METTL15: variants seen among roughly 807,000 people sequenced by gnomAD.
The protein encoded by METTL15 is 12S rRNA N(4)-cytidine methyltransferase METTL15.
A neutral mutation model predicts 38.3 loss-of-function variants in METTL15; 34 were observed. The observed-to-expected ratio is 0.89, with a 90% confidence interval of 0.68 to 1.18. METTL15 has a LOEUF of 1.18. Among genes scored for constraint, METTL15 ranks in the 50% most tolerant of loss-of-function variants. The pLI is 0.00. For missense variants in METTL15, 438 were observed against 498.4 expected (o/e 0.88, Z 1.15); for synonymous variants, 162 against 170.9 (o/e 0.95, Z 0.41).
chr11:28,359,650 A>C (rs1049986085), intron 4 of METTL15, among the ~76,000 whole-genome samples: 10 of 151,966 alleles, frequency 6.6e-5, no homozygotes, highest in African/African-American at 2.4e-4. Context: ...ATGGCGGTTT[A>C]TATTTGCATT....
chr11:28,464,677 C>T (rs4547081), intron 6 of METTL15, among the ~76,000 whole-genome samples: 64,427 of 152,006 alleles, frequency 0.42, 15,028 homozygotes, highest in Admixed American at 0.54. Flanking sequence ...CAAATGCTGT[C>T]GTATGCCTGT....
intron 3 of METTL15, among the ~76,000 whole-genome samples, chr11:28,169,073 G>A (rs1219554411): frequency 1.3e-5 from 2 of 152,136 alleles, no homozygotes; most frequent in Non-Finnish European, 2.9e-5. Context: ...AAGGTAAAGT[G>A]GAGGTTAGAC....
chr11:28,509,070 G>A (rs764254875), intron 6 of METTL15, among the ~76,000 whole-genome samples: 17 of 152,126 alleles, frequency 1.1e-4, no homozygotes, highest in Admixed American at 5.9e-4. Context: ...TTTCATTGAC[G>A]ATAATGTTAA....
At position 28,331,680 on chromosome 11, in the gene METTL15, T is replaced by G. The variant is rs1454972619; in HGVS notation, c.*839T>G. The G allele has an allele frequency of 1.3e-5, 2 of 152,174 alleles. No individual in the cohort carries two copies. Among genetic ancestry groups the G allele is most frequent in the Admixed American group, 6.5e-5 (1 of 15,282 alleles). 9.4% of individuals were successfully genotyped at this position (152,174 alleles called of 1,614,324 possible). The stretch of plus-strand genomic sequence containing the variant: ...TAGTAAAATCAATGCTCCCTTAATG[T>G]TGTTACAAAGATATGGTAACTGTAA... On this transcript the variant is annotated 3_prime_UTR_variant, in exon 7 of 7. Coordinates refer to ENST00000407364, the MANE Select transcript of METTL15 (RefSeq NM_001113528.2).
At chr11:28,146,582 C>G (rs1312820053) in intron 3 of METTL15, among the ~76,000 whole-genome samples, 1 of 151,862 alleles carries the variant, frequency 6.6e-6, no homozygotes, top group Admixed American at 6.6e-5. Flanking sequence ...GTAATGAACC[C>G]TGTGTCATTG....
intron 3 of METTL15, among the ~76,000 whole-genome samples, chr11:28,175,678 A>G (rs908083801): frequency 4.6e-5 from 7 of 152,146 alleles, no homozygotes; most frequent in African/African-American, 1.4e-4. Flanking sequence ...AAATCTGAGT[A>G]TCACCTTCAA....
intron 4 of METTL15, among the ~76,000 whole-genome samples, chr11:28,225,721 A>G (rs1205797574): frequency 2.6e-5 from 4 of 151,770 alleles, no homozygotes; most frequent in Non-Finnish European, 4.4e-5. Flanking sequence ...TCCATGAACA[A>G]TTTTTGTCCT....
intron 4 of METTL15, among the ~76,000 whole-genome samples, chr11:28,223,397 T>A (rs1853333807): frequency 6.6e-6 from 1 of 152,024 alleles, no homozygotes; most frequent in South Asian, 2.1e-4. Context: ...CAAATTTGTG[T>A]TTGGGAGTAT....
chr11:28,378,149 G>T (rs1225453131), intron 5 of METTL15, among the ~76,000 whole-genome samples: 1 of 152,134 alleles, frequency 6.6e-6, no homozygotes, highest in Non-Finnish European at 1.5e-5. Flanking sequence ...GCCTACAGAG[G>T]CAGGCAGGCC....
intron 3 of METTL15, among the ~76,000 whole-genome samples, chr11:28,196,528 G>A (rs1851915180): frequency 6.6e-6 from 1 of 151,858 alleles, no homozygotes; most frequent in Non-Finnish European, 1.5e-5. Flanking sequence ...CAGTGCTGCT[G>A]ATGTATATAC....
intron 3 of METTL15, among the ~76,000 whole-genome samples, chr11:28,339,307 G>T (rs1849929065): frequency 6.6e-6 from 1 of 151,920 alleles, no homozygotes; most frequent in Non-Finnish European, 1.5e-5. Context: ...TAATAAAAAA[G>T]ATACCCATGA....
intron 3 of METTL15, among the ~76,000 whole-genome samples, chr11:28,192,818 G>T (rs1196502738): frequency 6.6e-6 from 1 of 152,046 alleles, no homozygotes; most frequent in South Asian, 2.1e-4. Flanking sequence ...GGCCCCAAAT[G>T]TCAGTAGTGC....
At chr11:28,329,123 AGTTT>A (rs1432728280) in intron 6 of METTL15, among the ~76,000 whole-genome samples, 2 of 151,854 alleles carry the variant, frequency 1.3e-5, no homozygotes, top group East Asian at 1.9e-4. Flanking sequence ...ATCCATTTTG[AGTTT>A]GTTTTTGTAT....
chr11:28,270,759 A>T (rs984389166), intron 4 of METTL15, among the ~76,000 whole-genome samples: 1 of 152,294 alleles, frequency 6.6e-6, no homozygotes, highest in South Asian at 2.1e-4. Flanking sequence ...GTCATTTGTT[A>T]TATTAGACCT....
At chr11:28,180,316 CTT>C (rs1389143059) in intron 3 of METTL15, among the ~76,000 whole-genome samples, 1 of 151,846 alleles carries the variant, frequency 6.6e-6, no homozygotes, top group Non-Finnish European at 1.5e-5. Flanking sequence ...TCACCTTAAT[CTT>C]TGAACAATCC....
At chr11:28,296,974 T>C in intron 6 of METTL15, 43 bp downstream of exon 6, 1 of 1,603,774 alleles carries the variant, frequency 6.2e-7, no homozygotes, top group Non-Finnish European at 8.5e-7. Context: ...GAAAAAATTA[T>C]ATTTACATGT....
At chr11:28,466,472 A>G (rs954844457) in intron 6 of METTL15, among the ~76,000 whole-genome samples, 1 of 152,246 alleles carries the variant, frequency 6.6e-6, no homozygotes, top group Admixed American at 6.5e-5. Context: ...AGAGAAGCAC[A>G]GAAACCATGG....
chr11:28,424,562 G>A (rs967489747), intron 6 of METTL15, among the ~76,000 whole-genome samples: 2 of 152,154 alleles, frequency 1.3e-5, no homozygotes, highest in Non-Finnish European at 2.9e-5. Context: ...GCTCTTCAAA[G>A]CTGTTTGGTT....
chr11:28,513,131 C>T (rs1474110066), intron 6 of METTL15, among the ~76,000 whole-genome samples: 2 of 152,152 alleles, frequency 1.3e-5, no homozygotes, highest in Non-Finnish European at 2.9e-5. Context: ...TTCTTCCAGA[C>T]TCAAACTGTA....
Sources: gnomAD v4.1 joint callset for allele counts (sites outside exome capture counted in the v4.1 genomes callset) on GRCh38, gnomAD v4.1.1 for gene constraint, MANE v1.5 for transcripts, NCBI Gene and HGNC (gene_info 2026-07-23, HGNC 2026-07-21) for gene names.